The following RBPMS variants were observed in gnomAD, a reference collection of about 807,000 sequenced individuals.
The protein encoded by RBPMS is RNA binding protein, mRNA processing factor.
A neutral mutation model predicts 26.8 loss-of-function variants in RBPMS; 7 were observed. The observed-to-expected ratio is 0.26, with a 90% CI of 0.15 to 0.49. The LOEUF is 0.49. Among genes scored for constraint, RBPMS ranks in the 20% least tolerant of loss-of-function variants. The probability of loss-of-function intolerance (pLI) is 0.98; values close to 1 mark genes in which losing one functional copy is unlikely to be tolerated. For missense variants in RBPMS, 186 were observed against 250.0 expected, an observed-to-expected ratio of 0.74 and a Z score of 1.73; for synonymous variants, 96 against 93.3, an observed-to-expected ratio of 1.03 and a Z score of -0.17.
chr8:30,423,235 G>A (rs575021249), intron 1 of RBPMS, among the ~76,000 whole-genome samples: 37 of 152,202 alleles, frequency 2.4e-4, no homozygotes, highest in African/African-American at 7.9e-4. Context: ...TTCTTTCTTC[G>A]ACTGGAGATC....
intron 5 of RBPMS, among the ~76,000 whole-genome samples, chr8:30,506,542 C>A (rs1464005213): frequency 1.3e-5 from 2 of 152,102 alleles, no homozygotes; most frequent in East Asian, 3.9e-4. Flanking sequence ...AACTTGCTTA[C>A]CTGGAAGCAT....
chr8:30,465,429 T>C (rs1816386748), intron 1 of RBPMS, among the ~76,000 whole-genome samples: 1 of 152,236 alleles, frequency 6.6e-6, no homozygotes, highest in Non-Finnish European at 1.5e-5. Context: ...TCTCACTTTT[T>C]CTCTTTTCCT....
At chr8:30,481,874 G>T (rs114205419) in intron 4 of RBPMS, among the ~76,000 whole-genome samples, 3 of 152,328 alleles carry the variant, frequency 2.0e-5, no homozygotes, top group African/African-American at 7.2e-5. Flanking sequence ...GGAAACAGAC[G>T]TGGAGAGGAT....
intron 2 of RBPMS, 103 bp from the exon 3 acceptor site, chr8:30,477,696 T>A: frequency 1.3e-6 from 1 of 780,020 alleles, no homozygotes; most frequent in Non-Finnish European, 2.2e-6. Context: ...TAGGAGACAT[T>A]TGTAGGAGGA....
chr8:30,434,862 G>C (rs376663118), intron 1 of RBPMS, among the ~76,000 whole-genome samples: 2 of 151,924 alleles, frequency 1.3e-5, no homozygotes, highest in African/African-American at 4.8e-5. Context: ...CGTTTAATCT[G>C]CATCTAAGGG....
chr8:30,504,484 T>C, intron 5 of RBPMS, 48 bp downstream of exon 5: 1 of 1,576,480 alleles, frequency 6.3e-7, no homozygotes, highest in Non-Finnish European at 8.7e-7. Context: ...CTAAGAACTG[T>C]TCATGTGCTG....
At chr8:30,506,748 T>G (rs1336833887) in intron 5 of RBPMS, among the ~76,000 whole-genome samples, 1 of 152,202 alleles carries the variant, frequency 6.6e-6, no homozygotes, top group Admixed American at 6.5e-5. Context: ...TAAATGTTTC[T>G]TTTGGTTACT....
chr8:30,545,420 C>T (rs1457943166), intron 6 of RBPMS: 3 of 1,031,888 alleles, frequency 2.9e-6, no homozygotes, highest in Non-Finnish European at 3.5e-6. Context: ...GAGATCACCA[C>T]TCATTCTTTG....
chr8:30,476,933 C>G (rs1388177477), intron 2 of RBPMS, among the ~76,000 whole-genome samples: 1 of 152,102 alleles, frequency 6.6e-6, no homozygotes, highest in African/African-American at 2.4e-5. Context: ...TTGCATGTCC[C>G]CATCAGAAGA....
intron 6 of RBPMS, chr8:30,556,838 C>T (rs1419177896): frequency 2.1e-6 from 2 of 937,140 alleles, no homozygotes; most frequent in African/African-American, 3.6e-5. Flanking sequence ...CCCTCCCTCT[C>T]CTCCCCTAGA....
intron 5 of RBPMS, among the ~76,000 whole-genome samples, chr8:30,532,383 CT>C (rs1824317213): frequency 6.6e-6 from 1 of 152,138 alleles, no homozygotes; most frequent in African/African-American, 2.4e-5. Flanking sequence ...TATTCCTTAC[CT>C]TTTTTCCTAT....
intron 4 of RBPMS, among the ~76,000 whole-genome samples, chr8:30,498,388 T>A (rs1820204193): frequency 6.6e-6 from 1 of 152,204 alleles, no homozygotes; most frequent in Non-Finnish European, 1.5e-5. Flanking sequence ...AGCAGAAAGA[T>A]GAATGGGTCG....
At chr8:30,459,184 A>G (rs763330376) in intron 1 of RBPMS, among the ~76,000 whole-genome samples, 1 of 151,084 alleles carries the variant, frequency 6.6e-6, no homozygotes, top group Non-Finnish European at 1.5e-5. Flanking sequence ...CTGGTCTCGA[A>G]CTCCTGACCT....
At chr8:30,455,456 CTG>C (rs1182827503) in intron 1 of RBPMS, among the ~76,000 whole-genome samples, 3 of 151,824 alleles carry the variant, frequency 2.0e-5, no homozygotes, top group Admixed American at 6.6e-5. Context: ...TAAGTCCTGA[CTG>C]TGGTATAAAC....
chr8:30,514,288 T>C (rs1427460904), intron 5 of RBPMS, among the ~76,000 whole-genome samples: 1 of 152,188 alleles, frequency 6.6e-6, no homozygotes, highest in East Asian at 1.9e-4. Context: ...ATAAAGCTGT[T>C]CTGTAGTTCT....
chr8:30,414,783 A>AT (rs1809868696), intron 1 of RBPMS, among the ~76,000 whole-genome samples: 1 of 151,990 alleles, frequency 6.6e-6, no homozygotes, highest in African/African-American at 2.4e-5. Context: ...AAAATTCACT[A>AT]TTTTTCCCAG....
At chr8:30,526,197 C>T (rs1823563525) in intron 5 of RBPMS, among the ~76,000 whole-genome samples, 1 of 152,196 alleles carries the variant, frequency 6.6e-6, no homozygotes, top group Non-Finnish European at 1.5e-5. Flanking sequence ...CATGCTCCAA[C>T]AATACTCAGC....
chr8:30,414,171 A>G (rs1318104103), intron 1 of RBPMS, among the ~76,000 whole-genome samples: 1 of 137,690 alleles, frequency 7.3e-6, no homozygotes, highest in South Asian at 2.2e-4. Context: ...ATTGCTGTCT[A>G]TGCTGGCTCA....
At chr8:30,461,715 A>T (rs1419781657) in intron 1 of RBPMS, among the ~76,000 whole-genome samples, 1 of 152,184 alleles carries the variant, frequency 6.6e-6, no homozygotes, top group African/African-American at 2.4e-5. Flanking sequence ...TTCTAAGAAT[A>T]CAGAGAGATC....
Sources: allele counts gnomAD v4.1 joint callset (sites outside exome capture counted in the v4.1 genomes callset), GRCh38; gene constraint gnomAD v4.1.1; transcripts MANE v1.5; gene names NCBI Gene and HGNC (gene_info 2026-07-23, HGNC 2026-07-21).